The following TRIM72 variants were observed in gnomAD, a reference collection of about 807,000 sequenced individuals.
TRIM72 encodes the protein tripartite motif-containing protein 72.
Under a neutral mutation model 31.6 loss-of-function variants are expected in TRIM72, and 33 were observed. The ratio of observed to expected loss-of-function variants is 1.04; its 90% confidence interval spans 0.79 to 1.40. The LOEUF is 1.40. Ranked by LOEUF, TRIM72 falls within the 40% of genes most tolerant of loss-of-function variation. The pLI, the probability that TRIM72 is intolerant of heterozygous loss-of-function variation, is 0.00. For synonymous variants in TRIM72, 301 were observed against 314.4 expected, an observed-to-expected ratio of 0.96 and a Z score of 0.45; for missense variants, 666 against 682.7, an observed-to-expected ratio of 0.98 and a Z score of 0.27.
Position 31,219,406 on chromosome 16 carries a change from G to C in TRIM72, c.604G>C (p.Gly202Arg). Reference sequence around the variant, plus strand: ...GGCAGAGCGTGTACGGGGTGAGGCAGGGGTCGCCTTGCGCCGGGAGCTGGG... The same window carrying C: ...GGCAGAGCGTGTACGGGGTGAGGCACGGGTCGCCTTGCGCCGGGAGCTGGG... ...REAERVRGEA[G>R]VALRRELGSL... is the part of the protein sequence containing the mutation. Residue 202 changes from glycine to arginine, a missense_variant, in exon 4 of 7, where the codon GGG becomes CGG. Gly to Arg is a moderately radical substitution (Grantham distance 125). Transcript: ENST00000322122. This position sits in a 1 kb window ranked among gnomAD's most constrained non-coding sequence, Gnocchi z 4.2. 1 of 1,613,756 alleles carries C rather than the reference G, an allele frequency of 6.2e-7. No homozygotes were observed. The highest frequency in any genetic ancestry group is 8.5e-7 in the Non-Finnish European group (1 of 1,179,840).
At position 31,225,191 on chromosome 16, in the gene TRIM72, A is replaced by G. The variant is rs117925810; in HGVS notation, c.*436A>G. ...GGTGACAAGAGTGAGACTCTGTCTC[A>G]AAAAAAAAAAAAAGTGTGGGGGTTG... On this transcript the variant is annotated 3_prime_UTR_variant, in exon 7 of 7. Coordinates refer to ENST00000322122, the MANE Select transcript of TRIM72 (RefSeq NM_001008274.4). 0.91 allele frequency: 131,599 copies of G among 144,242 alleles called. 60,579 individuals are homozygous for G. Among genetic ancestry groups the G allele is most frequent in the East Asian group, 0.99 (5,010 of 5,036 alleles). The allele number at this position is 144,242 out of a possible 1,614,324, so 8.9% of individuals were successfully genotyped here. A position where few individuals can be genotyped will look rare whatever the true frequency, so the allele number is the denominator to read the frequency against.
rs1017613730 is a variant in TRIM72 at position 31,219,181 on chromosome 16, G to A, written c.477G>A (p.Val159=). 2 of 1,612,802 alleles carry A rather than the reference G, an allele frequency of 1.2e-6. No homozygotes were observed. The highest frequency in any genetic ancestry group is 2.7e-5 in the African/African-American group (2 of 74,910). Residue 159 remains valine (V), a synonymous_variant, in exon 3 of 7, where the codon GTG becomes GTA. Coordinates refer to ENST00000322122, the MANE Select transcript of TRIM72 (RefSeq NM_001008274.4). This position sits in a 1 kb window ranked among gnomAD's most constrained non-coding sequence, Gnocchi z 4.2. ...TGGCTGTGCTGGAGCATCAGCTGGT[G>A]GAGGTGGAGGTGAGGACTTCACAGG... The part of the protein sequence containing the change: ...KSVAVLEHQL[V]EVEETVRQFR...
rs1567492436 is a variant in TRIM72 at position 31,214,966 on chromosome 16, G to A, written c.228G>A (p.Glu76=). 1 of 1,489,802 alleles carries A rather than the reference G, an allele frequency of 6.7e-7. No homozygotes were observed. The highest frequency in any genetic ancestry group is 1.3e-5 in the South Asian group (1 of 78,118). The allele number at this position is 1,489,802 out of a possible 1,614,324, so 92.3% of individuals were successfully genotyped here. A position where few individuals can be genotyped will look rare whatever the true frequency, so the allele number is the denominator to read the frequency against. Residue 76 remains glutamate, a synonymous_variant, in exon 2 of 7, where the codon GAG becomes GAA. Coordinates refer to ENST00000322122, the MANE Select transcript of TRIM72 (RefSeq NM_001008274.4). ...STNLQLARLV[E]GLAQVPQGHC... is the part of the protein sequence containing the mutation. ...ACCTGCAGCTGGCGCGCCTGGTGGA[G>A]GGGCTGGCCCAGGTGCCGCAGGGCC...
At position 31,224,766 on chromosome 16, in the gene TRIM72, G is replaced by A; in HGVS notation, c.*11G>A. 2 of 1,456,648 alleles carry A rather than the reference G, an allele frequency of 1.4e-6. No individual in the cohort carries two copies. Among genetic ancestry groups the A allele is most frequent in the Non-Finnish European group, 1.8e-6 (2 of 1,108,134 alleles). 90.2% of individuals were successfully genotyped at this position (1,456,648 alleles called of 1,614,324 possible). On this transcript the variant is annotated 3_prime_UTR_variant, in exon 7 of 7. Coordinates refer to ENST00000322122, the MANE Select transcript of TRIM72 (RefSeq NM_001008274.4). ...GGCGCCGAGGCCTGAGCCGCCGGACGGGTAGTGGAGGGGCGCGGGGGCCTG... is the reference window on the plus strand; with the variant it reads ...GGCGCCGAGGCCTGAGCCGCCGGACAGGTAGTGGAGGGGCGCGGGGGCCTG...
Position 31,216,732 on chromosome 16 carries a change from A to T in TRIM72, c.390+1604A>T. ...GGCGAGGAAGCGGGGTTGGGTCCCG[A>T]GATCACGTACCAGCTCAGAGTGGCC... On this transcript the variant is annotated intron_variant, in intron 2 of 6. Coordinates refer to ENST00000322122, the MANE Select transcript of TRIM72 (RefSeq NM_001008274.4). The surrounding 1 kb of genome is among the most constrained non-coding windows in gnomAD (Gnocchi z 6.7). 1 of 1,578,206 alleles carries T rather than the reference A, an allele frequency of 6.3e-7. No homozygotes were observed. The highest frequency in any genetic ancestry group is 8.6e-7 in the Non-Finnish European group (1 of 1,157,196).
intron 6 of TRIM72, among the ~76,000 whole-genome samples, chr16:31,223,387 C>A (rs149043964): frequency 2.0e-5 from 3 of 152,238 alleles, no homozygotes; most frequent in East Asian, 3.8e-4. Context: ...AGTTCCTCCC[C>A]CCAAGAGCTG....
At position 31,214,999 on chromosome 16, in the gene TRIM72, G is replaced by A. The variant is rs754339152; in HGVS notation, c.261G>A (p.Glu87=). Residue 87 remains glutamate (E), a synonymous_variant, in exon 2 of 7, where the codon GAG becomes GAA. Transcript: ENST00000322122. ...GLAQVPQGHC[E]EHLDPLSIYC... The stretch of plus-strand genomic sequence containing the variant: ...CCCAGGTGCCGCAGGGCCACTGCGA[G>A]GAGCACCTGGACCCGCTGAGCATCT... 2.0e-6 allele frequency: 3 copies of A among 1,500,296 alleles called. No homozygotes were observed. The highest frequency in any genetic ancestry group is 2.9e-5 in the African/African-American group (2 of 69,054). The allele number at this position is 1,500,296 out of a possible 1,614,324, so 92.9% of individuals were successfully genotyped here.
chr16:31,222,830 G>A lies in TRIM72; in HGVS notation c.744G>A (p.Leu248=). ...CCCTTCCCCTCCCCACCCCCAGGCTGCAGAAGATCCTGGCAGAGTCTCCCC... is the reference window on the plus strand; with the variant it reads ...CCCTTCCCCTCCCCACCCCCAGGCTACAGAAGATCCTGGCAGAGTCTCCCC... ...LMKYCLVTSR[L]QKILAESPPP... is the part of the protein sequence containing the mutation. The change falls in exon 6 of 7, where the codon CTG becomes CTA. Residue 248 remains leucine, a synonymous_variant. Transcript: ENST00000322122. The A allele has an allele frequency of 3.8e-6, 5 of 1,326,610 alleles. No individual in the cohort carries two copies. Among genetic ancestry groups the A allele is most frequent in the Non-Finnish European group, 5.0e-6 (5 of 1,006,562 alleles). The allele number at this position is 1,326,610 out of a possible 1,614,324, so 82.2% of individuals were successfully genotyped here.
intron 5 of TRIM72, among the ~76,000 whole-genome samples, chr16:31,221,160 G>A (rs532668472): frequency 6.6e-6 from 1 of 152,348 alleles, no homozygotes; most frequent in East Asian, 1.9e-4. Flanking sequence ...TGTGTGCTCA[G>A]TGTGGCCGTT....
At chr16:31,223,009 C>A (rs1301577906) in intron 6 of TRIM72, 64 bp downstream of exon 6, 5 of 1,273,394 alleles carry the variant, frequency 3.9e-6, no homozygotes, top group Non-Finnish European at 4.4e-6. Flanking sequence ...CCCTAGCCAC[C>A]CTGGAGAGGC....
At chr16:31,221,009 G>T in intron 5 of TRIM72, 91 bp downstream of exon 5, 2 of 1,509,580 alleles carry the variant, frequency 1.3e-6, no homozygotes, top group East Asian at 4.5e-5. Context: ...TATTGTGCCT[G>T]CACACCCGCA....
chr16:31,220,561 C>T (rs567562182), intron 4 of TRIM72, among the ~76,000 whole-genome samples: 3 of 147,414 alleles, frequency 2.0e-5, no homozygotes, highest in South Asian at 4.3e-4. Flanking sequence ...CTCCTTCTCC[C>T]GGGTTCAAGT....
chr16:31,216,706 T>G lies in TRIM72; in HGVS notation c.390+1578T>G. The G allele has an allele frequency of 3.9e-6, 6 of 1,556,054 alleles. No homozygotes were observed. In the East Asian group the frequency reaches 1.4e-4, roughly 35 times the overall value. On this transcript the variant is annotated intron_variant, in intron 2 of 6. Coordinates refer to ENST00000322122, the MANE Select transcript of TRIM72 (RefSeq NM_001008274.4). This position sits in a 1 kb window ranked among gnomAD's most constrained non-coding sequence, Gnocchi z 6.7. ...GGGCGGGACCTGACGCGTGGGTCCT[T>G]GGCGAGGAAGCGGGGTTGGGTCCCG...
In TRIM72 at chr16:31,219,355, G is replaced by A; in HGVS notation, c.553G>A (p.Ala185Thr). The change falls in exon 4 of 7, where the codon GCA (alanine) becomes ACA (threonine). Residue 185 changes from alanine (A) to threonine (T), a missense_variant. Ala to Thr is a moderately conservative substitution (Grantham distance 58). Coordinates refer to ENST00000322122, the MANE Select transcript of TRIM72 (RefSeq NM_001008274.4). This position sits in a 1 kb window ranked among gnomAD's most constrained non-coding sequence, Gnocchi z 4.2. ...GGGCAAGATGCGGGTGTTCCTGGCT[G>A]CACTGGAGGGCTCCTTGGACCGCGA... ...QLGKMRVFLA[A>T]LEGSLDREAE... 6.2e-7 allele frequency: 1 copy of A among 1,614,156 alleles called. No individual in the cohort carries two copies. The highest frequency in any genetic ancestry group is 8.5e-7 in the Non-Finnish European group (1 of 1,180,024).
chr16:31,219,340 C>G lies in TRIM72; in HGVS notation c.538C>G (p.Arg180Gly), dbSNP rs771007987. Residue 180 changes from arginine to glycine, a missense_variant, in exon 4 of 7, where the codon CGG becomes GGG. Coordinates refer to ENST00000322122, the MANE Select transcript of TRIM72 (RefSeq NM_001008274.4). This position sits in a 1 kb window ranked among gnomAD's most constrained non-coding sequence, Gnocchi z 4.2. ...GAVGEQLGKM[R>G]VFLAALEGSL... ...CGTGGGGGAGCAGCTGGGCAAGATG[C>G]GGGTGTTCCTGGCTGCACTGGAGGG... 1.9e-6 allele frequency: 3 copies of G among 1,614,138 alleles called. No individual in the cohort carries two copies. The highest frequency in any genetic ancestry group is 2.5e-6 in the Non-Finnish European group (3 of 1,180,026).
rs1353520630 is a variant in TRIM72, at chr16:31,231,513, C to G, written c.*6758C>G. 1 of 152,046 alleles carries G rather than the reference C, an allele frequency of 6.6e-6. No individual in the cohort carries two copies. The highest frequency in any genetic ancestry group is 1.9e-4 in the East Asian group (1 of 5,184). 9.4% of individuals were successfully genotyped at this position (152,046 alleles called of 1,614,324 possible). On this transcript the variant is annotated 3_prime_UTR_variant, in exon 7 of 7. Transcript: ENST00000322122. The stretch of plus-strand genomic sequence containing the variant: ...AAAGTAAAAATCAAGATGTCACGTT[C>G]CCATTAAAACAAACATAGAGTACAG...
Position 31,224,226 on chromosome 16 carries a change from T to C in TRIM72, c.905T>C (p.Leu302Pro). Residue 302 changes from leucine (L) to proline (P), a missense_variant, in exon 7 of 7, where the codon CTG (leucine) becomes CCG (proline). Physicochemically the swap from Leu to Pro is moderately conservative, Grantham distance 98. Transcript: ENST00000322122. ...GACCCGAGCTCTGCGCACCCGAGCCTGGTGGTGTCTTCCTCTGGCCGCCGC... is the reference window on the plus strand; with the variant it reads ...GACCCGAGCTCTGCGCACCCGAGCCCGGTGGTGTCTTCCTCTGGCCGCCGC... ...TFDPSSAHPS[L>P]VVSSSGRRVE... 2.5e-6 allele frequency: 4 copies of C among 1,604,686 alleles called. No individual in the cohort carries two copies. The highest frequency in any genetic ancestry group is 1.7e-4 in the Middle Eastern group (1 of 6,058).
At position 31,219,079 on chromosome 16, in the gene TRIM72, A is replaced by G. The variant is rs1384128313; in HGVS notation, c.391-16A>G. 6.4e-7 allele frequency: 1 copy of G among 1,555,592 alleles called. No homozygotes were observed. Among genetic ancestry groups the G allele is most frequent in the Non-Finnish European group, 8.7e-7 (1 of 1,148,992 alleles). The stretch of plus-strand genomic sequence containing the variant: ...TGGGTGGCATCCCCATCACTTCTCC[A>G]TGCCTCGACCCCCAGACACAGCTGC... On this transcript the variant is annotated splice_polypyrimidine_tract_variant and intron_variant, in intron 2 of 6. Coordinates refer to ENST00000322122, the MANE Select transcript of TRIM72 (RefSeq NM_001008274.4). This position sits in a 1 kb window ranked among gnomAD's most constrained non-coding sequence, Gnocchi z 4.2.
rs1048989692 is a variant in TRIM72 at position 31,219,536 on chromosome 16, C to T, written c.717+17C>T. 6.3e-7 allele frequency: 1 copy of T among 1,599,784 alleles called. No homozygotes were observed. The highest frequency in any genetic ancestry group is 2.2e-5 in the East Asian group (1 of 44,518). ...TTCCTCATGGTGAGCACTGGGTGAC[C>T]CCCCTCCCTGCCTCAGCCCCCTGCT... On this transcript the variant is annotated intron_variant, in intron 4 of 6. Coordinates refer to ENST00000322122, the MANE Select transcript of TRIM72 (RefSeq NM_001008274.4). The surrounding 1 kb of genome is among the most constrained non-coding windows in gnomAD (Gnocchi z 4.2).
Sources: allele counts gnomAD v4.1 joint callset (sites outside exome capture counted in the v4.1 genomes callset), GRCh38; gene constraint gnomAD v4.1.1; non-coding constraint Gnocchi (gnomAD v3.1); transcripts MANE v1.5; gene names NCBI Gene and HGNC (gene_info 2026-07-23, HGNC 2026-07-21).